DEPTOR: variants seen among roughly 807,000 people sequenced by gnomAD.
DEPTOR encodes the protein DEP domain containing MTOR interacting protein.
In DEPTOR, 41 loss-of-function variants were observed where a neutral mutation model predicts 41.6. The observed-to-expected ratio is 0.98, with a 90% confidence interval of 0.77 to 1.28. The LOEUF (loss-of-function observed/expected upper bound fraction) is 1.28. Among genes scored for constraint, DEPTOR ranks in the 50% most tolerant of loss-of-function variants. The pLI is 0.00. For missense variants in DEPTOR, 514 were observed against 527.9 expected, an observed-to-expected ratio of 0.97 and a Z score of 0.26; for synonymous variants, 195 against 192.3, an observed-to-expected ratio of 1.01 and a Z score of -0.12.
chr8:119,993,985 C>T (rs186677435), intron 4 of DEPTOR, among the ~76,000 whole-genome samples: 1 of 151,794 alleles, frequency 6.6e-6, no homozygotes, highest in South Asian at 2.1e-4. Flanking sequence ...GGTGAAAACC[C>T]ATCTCTACTA....
chr8:119,934,888 G>A (rs1005311233), intron 3 of DEPTOR, among the ~76,000 whole-genome samples: 10 of 152,040 alleles, frequency 6.6e-5, no homozygotes, highest in African/African-American at 2.4e-4. Flanking sequence ...TGACCTCATA[G>A]ACTTGTTGTG....
At chr8:119,905,221 G>A (rs191255410) in intron 1 of DEPTOR, among the ~76,000 whole-genome samples, 226 of 152,276 alleles carry the variant, frequency 1.5e-3, no homozygotes, top group African/African-American at 5.2e-3. Context: ...CTCACAGCAT[G>A]AGATTCCAGA....
intron 1 of DEPTOR, among the ~76,000 whole-genome samples, chr8:119,903,661 T>A (rs1408899591): frequency 6.6e-6 from 1 of 152,168 alleles, no homozygotes; most frequent in Non-Finnish European, 1.5e-5. Context: ...TCATGTCAAC[T>A]ATGAGAGTAC....
chr8:120,042,871 G>T (rs1320562857), intron 8 of DEPTOR, among the ~76,000 whole-genome samples: 1 of 150,816 alleles, frequency 6.6e-6, no homozygotes, highest in Non-Finnish European at 1.5e-5. Context: ...TTTTATCGAG[G>T]CAGAGTGTCA....
chr8:120,028,967 G>A (rs1215490830), intron 8 of DEPTOR, among the ~76,000 whole-genome samples: 2 of 151,766 alleles, frequency 1.3e-5, no homozygotes, highest in Non-Finnish European at 2.9e-5. Context: ...TGCCTACTTG[G>A]GAGGCTGAAA....
intron 1 of DEPTOR, among the ~76,000 whole-genome samples, chr8:119,886,466 C>CACAT (rs1217348391): frequency 6.7e-6 from 1 of 149,882 alleles, no homozygotes; most frequent in African/African-American, 2.5e-5. Flanking sequence ...GACACACACA[C>CACAT]ACATACACAT....
intron 1 of DEPTOR, among the ~76,000 whole-genome samples, chr8:119,907,334 T>G (rs1054576735): frequency 2.0e-5 from 3 of 152,166 alleles, no homozygotes; most frequent in Non-Finnish European, 2.9e-5. Flanking sequence ...ACCTAGATAT[T>G]TTTTTAAAAA....
chr8:119,882,616 G>T (rs535312710), intron 1 of DEPTOR, among the ~76,000 whole-genome samples: 2 of 151,740 alleles, frequency 1.3e-5, no homozygotes, highest in Admixed American at 1.3e-4. Flanking sequence ...GCCATGTTGC[G>T]CAGGCTGATC....
chr8:120,034,373 C>A (rs889362230), intron 8 of DEPTOR, among the ~76,000 whole-genome samples: 1 of 151,422 alleles, frequency 6.6e-6, no homozygotes, highest in Non-Finnish European at 1.5e-5. Context: ...GTTGACTCAC[C>A]CTTACAGGTT....
At chr8:120,010,245 C>G (rs1254782328) in intron 8 of DEPTOR, among the ~76,000 whole-genome samples, 1 of 152,150 alleles carries the variant, frequency 6.6e-6, no homozygotes, top group Non-Finnish European at 1.5e-5. Flanking sequence ...AAGAGCTACA[C>G]AAACAACAAT....
intron 3 of DEPTOR, among the ~76,000 whole-genome samples, chr8:119,930,493 T>C (rs1403890955): frequency 1.3e-5 from 2 of 152,194 alleles, no homozygotes; most frequent in African/African-American, 4.8e-5. Flanking sequence ...AACTTCGGCC[T>C]CCCAAAGTGC....
chr8:119,874,629 C>G (rs1346758114), intron 1 of DEPTOR: 1 of 152,148 alleles, frequency 6.6e-6, no homozygotes, highest in Non-Finnish European at 1.5e-5. Flanking sequence ...GTCGGGCTGC[C>G]TTGAGGCTGT....
chr8:120,034,876 T>C (rs199638795), intron 8 of DEPTOR, among the ~76,000 whole-genome samples: 1 of 152,176 alleles, frequency 6.6e-6, no homozygotes, highest in Non-Finnish European at 1.5e-5. Context: ...TAAATAGTTA[T>C]TGATAAACAT....
chr8:119,889,714 A>C (rs1282580974), intron 1 of DEPTOR, among the ~76,000 whole-genome samples: 3 of 142,042 alleles, frequency 2.1e-5, no homozygotes, highest in Non-Finnish European at 3.1e-5. Flanking sequence ...AAGGGAAAGC[A>C]GTGCAGGGCA....
intron 1 of DEPTOR, among the ~76,000 whole-genome samples, chr8:119,916,736 A>C (rs1827820222): frequency 6.6e-6 from 1 of 152,212 alleles, no homozygotes; most frequent in African/African-American, 2.4e-5. Context: ...GAATCACAGC[A>C]AGGTTTGGAT....
intron 3 of DEPTOR, among the ~76,000 whole-genome samples, chr8:119,959,289 A>G (rs895496083): frequency 1.4e-5 from 2 of 143,578 alleles, no homozygotes; most frequent in African/African-American, 5.2e-5. Flanking sequence ...CAGCCTCCTC[A>G]GCAGATGGGA....
intron 1 of DEPTOR, among the ~76,000 whole-genome samples, chr8:119,889,951 T>TTGTTG (rs1827430498): frequency 6.6e-6 from 1 of 152,030 alleles, no homozygotes; most frequent in Non-Finnish European, 1.5e-5. Flanking sequence ...GTCTTTTTTG[T>TTGTTG]TGTTGTTTTG....
intron 1 of DEPTOR, among the ~76,000 whole-genome samples, chr8:119,906,295 T>TAC (rs1554672340): frequency 1.0e-4 from 9 of 89,286 alleles, no homozygotes; most frequent in Non-Finnish European, 2.3e-4. Context: ...CTACTAAAAA[T>TAC]ACAAAAAAAA....
At position 119,917,752 on chromosome 8, in the gene DEPTOR, G is replaced by GA. The variant is rs371347679; in HGVS notation, c.123-10646dup. 2.3e-3 allele frequency among the ~76,000 whole-genome samples: 354 copies of GA among 152,270 alleles called. 1 individual carries two copies. The highest frequency in any genetic ancestry group is 8.0e-3 in the African/African-American group (331 of 41,548). On this transcript the variant is annotated intron_variant, in intron 1 of 8. Transcript: ENST00000286234. ...TGAGGAGGATTAGTAAAAGAGGAAG[G>GA]AACGCCTCTTTGCAGTTGAGACAGG... is the stretch of plus-strand genomic sequence containing the variant.
Sources: allele counts gnomAD v4.1 joint callset (sites outside exome capture counted in the v4.1 genomes callset), GRCh38; gene constraint gnomAD v4.1.1; transcripts MANE v1.5; gene names NCBI Gene and HGNC (gene_info 2026-07-23, HGNC 2026-07-21).